The following LPIN1 variants were observed in gnomAD, a reference collection of about 807,000 sequenced individuals.
LPIN1 encodes the protein lipin 1.
A neutral mutation model predicts 107.5 loss-of-function variants in LPIN1; 71 were observed. The observed-to-expected ratio is 0.66, with a 90% CI of 0.55 to 0.80. The LOEUF is 0.80. Among genes scored for constraint, LPIN1 ranks in the 30% least tolerant of loss-of-function variants. The pLI, the probability that LPIN1 is intolerant of heterozygous loss-of-function variation, is 0.00. For synonymous variants in LPIN1, 445 were observed against 452.6 expected (o/e 0.98, Z 0.21); for missense variants, 1,043 against 1,160.6 (o/e 0.90, Z 1.47).
intron 1 of LPIN1, among the ~76,000 whole-genome samples, chr2:11,752,981 G>A (rs1352492442): frequency 6.6e-6 from 1 of 152,212 alleles, no homozygotes; most frequent in Non-Finnish European, 1.5e-5. Context: ...CCGCAGTGCT[G>A]TCCTTTCTGG....
intron 1 of LPIN1, among the ~76,000 whole-genome samples, chr2:11,702,319 T>C (rs1167582266): frequency 1.3e-5 from 2 of 152,202 alleles, no homozygotes; most frequent in East Asian, 3.9e-4. Flanking sequence ...AGGCTGTCCC[T>C]AGTTGTCTGA....
chr2:11,792,632 C>T (rs1229505379), intron 13 of LPIN1, among the ~76,000 whole-genome samples: 1 of 152,150 alleles, frequency 6.6e-6, no homozygotes, highest in African/African-American at 2.4e-5. Context: ...ATCTGCCTGC[C>T]TAGGCCTCCG....
chr2:11,732,146 G>A (rs1665299194), intron 1 of LPIN1, among the ~76,000 whole-genome samples: 1 of 152,128 alleles, frequency 6.6e-6, no homozygotes, highest in Non-Finnish European at 1.5e-5. Flanking sequence ...GTAATGATGA[G>A]TTTATGTAAT....
chr2:11,792,490 C>T (rs1383061899), intron 13 of LPIN1: 2 of 190,494 alleles, frequency 1.0e-5, no homozygotes, highest in Non-Finnish European at 1.1e-5. Context: ...TCAAGCAATC[C>T]TCCCATCTCA....
intron 1 of LPIN1, among the ~76,000 whole-genome samples, chr2:11,739,260 G>A (rs1003736606): frequency 2.0e-5 from 3 of 152,222 alleles, no homozygotes; most frequent in Non-Finnish European, 4.4e-5. Context: ...CCGTCCTGGA[G>A]GCAGATCCTT....
At chr2:11,820,619 T>G in intron 20 of LPIN1, 105 bp downstream of exon 20, 4 of 757,934 alleles carry the variant, frequency 5.3e-6, no homozygotes, top group Non-Finnish European at 9.3e-6. Context: ...GCCTATATGT[T>G]AATCTGTAAT....
intron 18 of LPIN1, chr2:11,818,295 CCAATTCAAGAGTATAGTCTATTCTT>C (rs1365356488): frequency 6.6e-6 from 1 of 152,170 alleles, no homozygotes; most frequent in Non-Finnish European, 1.5e-5. Context: ...ATTGGATCTT[CCAATTCAAGAGTATAGTCTATTCTT>C]CATTTGTTTA....
intron 14 of LPIN1, among the ~76,000 whole-genome samples, chr2:11,802,449 A>C (rs1677921434): frequency 6.6e-6 from 1 of 152,168 alleles, no homozygotes; most frequent in South Asian, 2.1e-4. Context: ...TAAGTCCTAG[A>C]AAGGCCCTAA....
At chr2:11,816,322 T>C (rs1412320779) in intron 18 of LPIN1, 4 of 152,204 alleles carry the variant, frequency 2.6e-5, no homozygotes, top group Admixed American at 2.0e-4. Context: ...ACAGCACTGA[T>C]CTCAATAGAA....
chr2:11,725,063 C>T (rs1451655662), intron 1 of LPIN1, among the ~76,000 whole-genome samples: 2 of 152,096 alleles, frequency 1.3e-5, no homozygotes, highest in Non-Finnish European at 2.9e-5. Context: ...AGATCGAGAC[C>T]ATCCCGGCTA....
Position 11,715,445 on chromosome 2 carries a change from G to A in LPIN1, c.138+1633G>A, listed in dbSNP as rs11683756. ...TTACAGAAAGCGTCCGCCATCCATG[G>A]TAGGGGTGTTGGATCAGGAGTGCAA... On this transcript the variant is annotated intron_variant, in intron 2 of 21. Coordinates refer to the LPIN1 transcript ENST00000449576. 5.9e-3 allele frequency among the ~76,000 whole-genome samples: 894 copies of A among 152,324 alleles called. 2 individuals carry two copies. Among genetic ancestry groups the A allele is most frequent in the Non-Finnish European group, 9.7e-3 (658 of 68,036 alleles).
At position 11,815,096 on chromosome 2, in the gene LPIN1, A is replaced by G; in HGVS notation, c.2258A>G (p.Tyr753Cys). 6.2e-7 allele frequency: 1 copy of G among 1,614,190 alleles called. No homozygotes were observed. Among genetic ancestry groups the G allele is most frequent in the East Asian group, 2.2e-5 (1 of 44,890 alleles). The change falls in exon 18 of 21, where the codon TAT (tyrosine) becomes TGT (cysteine). Residue 753 changes from tyrosine to cysteine, a missense_variant. By Grantham distance (194) the Tyr-to-Cys change is radical (BLOSUM62 -2). Transcript: ENST00000674199. ...TGTTTTATGTCTTTCAGGAATGGAT[A>G]TAAATTTCTCTACTGTTCTGCCCGT... ...KLYHKVSQNGYKFLYCSARAI... is the reference protein window; with the variant it reads ...KLYHKVSQNGCKFLYCSARAI...
chr2:11,681,592 A>G lies in LPIN1; in HGVS notation c.81+3864A>G, dbSNP rs573168027. Reference sequence around the variant, plus strand: ...CTTTATAAATTACCCAGGTTCGGGTATTTCTTTATAGCAGTGCGAGAACAG... The same window carrying G: ...CTTTATAAATTACCCAGGTTCGGGTGTTTCTTTATAGCAGTGCGAGAACAG... On this transcript the variant is annotated intron_variant, in intron 1 of 21. Transcript: ENST00000449576. 4 of 152,664 alleles carry G rather than the reference A, an allele frequency of 2.6e-5. No homozygotes were observed. In the South Asian group the frequency reaches 8.2e-4, roughly 31 times the overall value. The allele number at this position is 152,664 out of a possible 1,614,324, so 9.5% of individuals were successfully genotyped here.
At chr2:11,705,452 G>T (rs1038744582) in intron 1 of LPIN1, among the ~76,000 whole-genome samples, 1 of 152,212 alleles carries the variant, frequency 6.6e-6, no homozygotes, top group Non-Finnish European at 1.5e-5. Flanking sequence ...ACTGCGCTAA[G>T]TGCCATGAAG....
chr2:11,798,079 A>G (rs1322078647), intron 14 of LPIN1, among the ~76,000 whole-genome samples: 1 of 151,928 alleles, frequency 6.6e-6, no homozygotes, highest in African/African-American at 2.4e-5. Context: ...TCCGGCTTGC[A>G]CTCACTCCGT....
chr2:11,690,602 A>G (rs1662221152), intron 1 of LPIN1, among the ~76,000 whole-genome samples: 1 of 152,156 alleles, frequency 6.6e-6, no homozygotes, highest in South Asian at 2.1e-4. Context: ...TTTGAACCTC[A>G]CTGTATCCTC....
chr2:11,794,283 T>C (rs1406977105), intron 13 of LPIN1, among the ~76,000 whole-genome samples: 2 of 152,246 alleles, frequency 1.3e-5, no homozygotes, highest in African/African-American at 4.8e-5. Context: ...GACTTCTTTG[T>C]AGAATATCCA....
At chr2:11,796,867 C>T (rs771920272) in intron 14 of LPIN1, among the ~76,000 whole-genome samples, 2 of 152,262 alleles carry the variant, frequency 1.3e-5, no homozygotes, top group East Asian at 1.9e-4. Context: ...CGGAAGCAGT[C>T]GACATTGGAG....
At chr2:11,821,077 T>C (rs1020799700) in intron 20 of LPIN1, among the ~76,000 whole-genome samples, 2 of 152,218 alleles carry the variant, frequency 1.3e-5, no homozygotes, top group Non-Finnish European at 2.9e-5. Flanking sequence ...GTTCCTAACT[T>C]ATTAGGATGG....
Sources: gnomAD v4.1 joint callset for allele counts (sites outside exome capture counted in the v4.1 genomes callset) on GRCh38, gnomAD v4.1.1 for gene constraint, MANE v1.5 for transcripts, NCBI Gene and HGNC (gene_info 2026-07-23, HGNC 2026-07-21) for gene names.